The following MAP3K13 variants were observed in gnomAD, a reference collection of about 807,000 sequenced individuals.
The protein encoded by MAP3K13 is mitogen-activated protein kinase kinase kinase 13, also known as leucine zipper-bearing kinase.
In MAP3K13, 52 loss-of-function variants were observed where a neutral mutation model predicts 104.0. The observed-to-expected ratio is 0.50, with a 90% CI of 0.40 to 0.63. The LOEUF is 0.63. MAP3K13 is among the 20% of genes least tolerant of loss of function. The pLI is 0.00. For synonymous variants in MAP3K13, 394 were observed against 442.2 expected (o/e 0.89, Z 1.37); for missense variants, 914 against 1,218.5 (o/e 0.75, Z 3.72).
chr3:185,310,684 A>C (rs934378485), intron 2 of MAP3K13, among the ~76,000 whole-genome samples: 2 of 152,246 alleles, frequency 1.3e-5, no homozygotes, highest in African/African-American at 2.4e-5. Flanking sequence ...GATCCATAGA[A>C]GTTATTCAAA....
chr3:185,446,417 G>A (rs972284108), intron 4 of MAP3K13, among the ~76,000 whole-genome samples: 7 of 152,046 alleles, frequency 4.6e-5, no homozygotes, highest in African/African-American at 1.7e-4. Flanking sequence ...CACCACGCTC[G>A]TAAGCCTCTC....
chr3:185,410,862 G>A (rs1370376040), intron 1 of MAP3K13, among the ~76,000 whole-genome samples: 3 of 151,504 alleles, frequency 2.0e-5, no homozygotes, highest in Non-Finnish European at 4.4e-5. Context: ...TTGAACTCAG[G>A]AGGCAGAGGT....
chr3:185,341,851 T>C (rs1165971017), intron 2 of MAP3K13, among the ~76,000 whole-genome samples: 1 of 152,246 alleles, frequency 6.6e-6, no homozygotes, highest in African/African-American at 2.4e-5. Flanking sequence ...TGGCTGTTTT[T>C]ACATGACAAC....
intron 10 of MAP3K13, among the ~76,000 whole-genome samples, chr3:185,469,131 T>G (rs1310532074): frequency 1.3e-5 from 2 of 152,154 alleles, no homozygotes; most frequent in Non-Finnish European, 2.9e-5. Context: ...AATGATTACC[T>G]AGTGAGAAGT....
rs1269730449 is a variant in MAP3K13, at chr3:185,431,150, G to C, written c.475+2094G>C. On this transcript the variant is annotated intron_variant, in intron 2 of 13. Coordinates refer to ENST00000265026, the MANE Select transcript of MAP3K13 (RefSeq NM_004721.5). ...CCCATGATCCAATCACCTCCCACCA[G>C]ACCCCTCCCCTGACTCGTGGGAATT... 3.3e-5 allele frequency among the ~76,000 whole-genome samples: 5 copies of C among 152,276 alleles called. No homozygotes were observed. In the East Asian group the frequency reaches 5.8e-4, roughly 18 times the overall value.
intron 2 of MAP3K13, among the ~76,000 whole-genome samples, chr3:185,343,297 T>G (rs2108722893): frequency 6.6e-6 from 1 of 152,280 alleles, no homozygotes; most frequent in South Asian, 2.1e-4. Flanking sequence ...AGAGTTTGTC[T>G]GCCATAATGG....
rs141188388 is a variant in MAP3K13, at chr3:185,306,010, T to G, written c.-86+20367T>G. ...TGTGTACCCAATGTTTAGCTTCCAC[T>G]TGTAAGTGAGAACATGTAGTATTTG... On this transcript the variant is annotated intron_variant, in intron 2 of 14. Coordinates refer to the MAP3K13 transcript ENST00000424227. Among the ~76,000 whole-genome samples, 7 of 152,346 alleles carry G rather than the reference T, an allele frequency of 4.6e-5. No homozygotes were observed. In the East Asian group the frequency reaches 1.3e-3, roughly 29 times the overall value.
intron 1 of MAP3K13, among the ~76,000 whole-genome samples, chr3:185,372,868 G>T (rs982860712): frequency 6.6e-6 from 1 of 152,130 alleles, no homozygotes. Flanking sequence ...CTAAGATAAG[G>T]TTCCTCTTTT....
chr3:185,412,393 T>C (rs1713502590), intron 1 of MAP3K13, among the ~76,000 whole-genome samples: 1 of 152,214 alleles, frequency 6.6e-6, no homozygotes, highest in Non-Finnish European at 1.5e-5. Context: ...ATGGGATTTA[T>C]CTAGGATCCT....
At chr3:185,480,550 C>T in intron 13 of MAP3K13, 21 bp downstream of exon 13, 1 of 1,604,284 alleles carries the variant, frequency 6.2e-7, no homozygotes, top group Non-Finnish European at 8.5e-7. Context: ...CTCCCTTCTC[C>T]TCCCATCACT....
chr3:185,453,630 G>A (rs1460209863), intron 7 of MAP3K13, among the ~76,000 whole-genome samples: 2 of 151,482 alleles, frequency 1.3e-5, no homozygotes, highest in Admixed American at 6.6e-5. Context: ...TTAGCTGCAC[G>A]TGGTGCTACA....
intron 2 of MAP3K13, among the ~76,000 whole-genome samples, chr3:185,344,883 A>G (rs1297993076): frequency 2.0e-5 from 3 of 149,292 alleles, no homozygotes; most frequent in East Asian, 3.9e-4. Flanking sequence ...TAATCTCATA[A>G]TTTATTTTTT....
chr3:185,295,716 G>A (rs530791915), intron 2 of MAP3K13, among the ~76,000 whole-genome samples: 1 of 152,112 alleles, frequency 6.6e-6, no homozygotes, highest in South Asian at 2.1e-4. Flanking sequence ...ATCTAGCATA[G>A]TTGTAATTAT....
chr3:185,333,778 G>A (rs776951129), intron 2 of MAP3K13, among the ~76,000 whole-genome samples: 1 of 152,162 alleles, frequency 6.6e-6, no homozygotes, highest in Non-Finnish European at 1.5e-5. Flanking sequence ...AAGAGGCTGG[G>A]TGTGGTGGCC....
intron 1 of MAP3K13, among the ~76,000 whole-genome samples, chr3:185,414,977 G>A (rs926877069): frequency 1.3e-5 from 2 of 151,982 alleles, no homozygotes; most frequent in African/African-American, 4.8e-5. Flanking sequence ...TCCAAGACCA[G>A]CCTGGGCAAT....
At chr3:185,307,879 T>G (rs1721353085) in intron 2 of MAP3K13, among the ~76,000 whole-genome samples, 1 of 152,078 alleles carries the variant, frequency 6.6e-6, no homozygotes, top group Non-Finnish European at 1.5e-5. Context: ...GTATTTTCAT[T>G]TTGTTCATGT....
chr3:185,284,716 TATAAATAA>T (rs1007952275), intron 1 of MAP3K13, among the ~76,000 whole-genome samples: 1 of 151,464 alleles, frequency 6.6e-6, no homozygotes, highest in African/African-American at 2.4e-5. Flanking sequence ...CCTCAGGAAC[TATAAATAA>T]ATAAATATAA....
chr3:185,285,120 G>GA (rs759656737), intron 1 of MAP3K13, among the ~76,000 whole-genome samples: 1 of 152,004 alleles, frequency 6.6e-6, no homozygotes, highest in Non-Finnish European at 1.5e-5. Context: ...AAAATAGGCT[G>GA]AAAACTCCAA....
intron 5 of MAP3K13, 46 bp downstream of exon 5, chr3:185,447,993 T>C: frequency 6.4e-7 from 1 of 1,565,868 alleles, no homozygotes; most frequent in South Asian, 1.2e-5. Context: ...CTTTTCCCAC[T>C]TTCGCCCTAT....
Sources: allele counts gnomAD v4.1 joint callset (sites outside exome capture counted in the v4.1 genomes callset), GRCh38; gene constraint gnomAD v4.1.1; transcripts MANE v1.5; gene names NCBI Gene and HGNC (gene_info 2026-07-23, HGNC 2026-07-21).